Variants in ACSL1 observed in about 807,000 individuals in gnomAD.
ACSL1 encodes the protein acyl-CoA synthetase long chain family member 1.
In ACSL1, 41 loss-of-function variants were observed where a neutral mutation model predicts 98.4. The ratio of observed to expected loss-of-function variants is 0.42; its 90% CI spans 0.32 to 0.54. The LOEUF is 0.54. Among genes scored for constraint, ACSL1 ranks in the 20% least tolerant of loss-of-function variants. ACSL1 has a pLI of 0.13. For missense variants in ACSL1, 734 were observed against 883.1 expected, an observed-to-expected ratio of 0.83 and a Z score of 2.14; for synonymous variants, 316 against 322.7, an observed-to-expected ratio of 0.98 and a Z score of 0.22.
At chr4:184,759,724 A>C (rs1235851391) in intron 18 of ACSL1, among the ~76,000 whole-genome samples, 1 of 152,206 alleles carries the variant, frequency 6.6e-6, no homozygotes, top group African/African-American at 2.4e-5. Context: ...GAACGCTTTT[A>C]CACTGTTGGT....
At chr4:184,772,945 T>G (rs1764723633) in intron 10 of ACSL1, 136 bp downstream of exon 10, 9 of 716,436 alleles carry the variant, frequency 1.3e-5, no homozygotes, top group Non-Finnish European at 2.1e-5. Context: ...GGGCCTAAAG[T>G]TCTGACCTTA....
In ACSL1 at chr4:184,757,320, A is replaced by G. The variant is rs1375556209; in HGVS notation, c.1957-55T>C. 5 of 1,553,136 alleles carry G rather than the reference A, an allele frequency of 3.2e-6. No homozygotes were observed. Among genetic ancestry groups the G allele is most frequent in the Non-Finnish European group, 4.4e-6 (5 of 1,143,406 alleles). ...AAAAAGGACACGGGCCACCAGTCTC[A>G]AAAGCACGTAAGCCTTGGAGGGGAT... On this transcript the variant is annotated intron_variant, in intron 20 of 20. Coordinates refer to ENST00000281455, the MANE Select transcript of ACSL1 (RefSeq NM_001995.5). The surrounding 1 kb of genome is among the most constrained non-coding windows in gnomAD (Gnocchi z 4.5).
intron 4 of ACSL1, among the ~76,000 whole-genome samples, chr4:184,780,641 A>C (rs1766092991): frequency 2.0e-5 from 3 of 152,254 alleles, no homozygotes; most frequent in African/African-American, 7.2e-5. Flanking sequence ...AACTGACCGC[A>C]GGGTTCCTTC....
In ACSL1 at chr4:184,779,138, T is replaced by G. The variant is rs570540930; in HGVS notation, c.477+1194A>C. Reference sequence around the variant, plus strand: ...TCATTTAAACTCAGTTTCTGATATGTTTTGGCTGTGTCCCCACCCAAATCT... The same window carrying G: ...TCATTTAAACTCAGTTTCTGATATGGTTTGGCTGTGTCCCCACCCAAATCT... On this transcript the variant is annotated intron_variant, in intron 5 of 20. Transcript: ENST00000281455. Among the ~76,000 whole-genome samples, 180 of 152,302 alleles carry G rather than the reference T, an allele frequency of 1.2e-3. 1 individual carries two copies. The highest frequency in any genetic ancestry group is 1.7e-3 in the Non-Finnish European group (113 of 68,024).
chr4:184,762,552 G>A, intron 16 of ACSL1, 29 bp from the exon 17 acceptor site: 1 of 1,584,700 alleles, frequency 6.3e-7, no homozygotes, highest in South Asian at 1.1e-5. Context: ...TCAGTGAACA[G>A]CATTTACTGG....
intron 1 of ACSL1, among the ~76,000 whole-genome samples, chr4:184,814,670 A>G (rs1261515470): frequency 1.3e-5 from 2 of 152,188 alleles, no homozygotes; most frequent in East Asian, 1.9e-4. Context: ...TAAAGAAGCT[A>G]TAAGTGAGTC....
At chr4:184,807,342 T>C (rs2150462788) in intron 1 of ACSL1, among the ~76,000 whole-genome samples, 1 of 152,368 alleles carries the variant, frequency 6.6e-6, no homozygotes, top group South Asian at 2.1e-4. Flanking sequence ...TCAATTGGCT[T>C]AAAGGCTTAA....
At chr4:184,797,154 C>A (rs1472538055) in intron 2 of ACSL1, among the ~76,000 whole-genome samples, 1 of 148,404 alleles carries the variant, frequency 6.7e-6, no homozygotes, top group African/African-American at 2.5e-5. Flanking sequence ...AGATCAACAA[C>A]AGCTCCCGCT....
rs192537652 is a variant in ACSL1, at chr4:184,762,603, G to A, written c.1522-80C>T. On this transcript the variant is annotated intron_variant, in intron 16 of 20. Coordinates refer to ENST00000281455, the MANE Select transcript of ACSL1 (RefSeq NM_001995.5). ...AACTGGTGTGTGCATGTGTGTACGT[G>A]TGTGTCTGCCCCAACCTTTAGCTGG... 8 of 1,245,970 alleles carry A rather than the reference G, an allele frequency of 6.4e-6. No individual in the cohort carries two copies. The East Asian group carries it at 1.9e-4, about 29-fold the overall frequency. The allele number at this position is 1,245,970 out of a possible 1,614,324, so 77.2% of individuals were successfully genotyped here.
chr4:184,779,145 T>C (rs924178302), intron 5 of ACSL1, among the ~76,000 whole-genome samples: 1 of 152,212 alleles, frequency 6.6e-6, no homozygotes, highest in Non-Finnish European at 1.5e-5. Flanking sequence ...ATGTTTTGGC[T>C]GTGTCCCCAC....
At chr4:184,814,290 C>CT (rs749693271) in intron 1 of ACSL1, among the ~76,000 whole-genome samples, 1 of 64,550 alleles carries the variant, frequency 1.5e-5, no homozygotes, top group Non-Finnish European at 2.8e-5. Flanking sequence ...GACTCCGCCT[C>CT]AAAAAAAAAA....
Position 184,755,708 on chromosome 4 carries a change from A to G in ACSL1, c.*1417T>C, listed in dbSNP as rs1762060236. The G allele has an allele frequency of 6.5e-6, 1 of 152,690 alleles. No individual in the cohort carries two copies. The highest frequency in any genetic ancestry group is 1.5e-5 in the Non-Finnish European group (1 of 68,052). 9.5% of individuals were successfully genotyped at this position (152,690 alleles called of 1,614,324 possible). A position where few individuals can be genotyped will look rare whatever the true frequency, so the allele number is the denominator to read the frequency against. On this transcript the variant is annotated 3_prime_UTR_variant, in exon 21 of 21. Transcript: ENST00000281455. Reference sequence around the variant, plus strand: ...ACTTAAAGCAAACATTCAAAACCCCAAGGTGACAAATTATTGACTTTTTGT... The same window carrying G: ...ACTTAAAGCAAACATTCAAAACCCCGAGGTGACAAATTATTGACTTTTTGT...
At chr4:184,812,111 T>C in intron 1 of ACSL1, 1 of 874,394 alleles carries the variant, frequency 1.1e-6, no homozygotes, top group Non-Finnish European at 1.4e-6. Context: ...CAGGACTTCT[T>C]TATTTGTAAC....
intron 12 of ACSL1, among the ~76,000 whole-genome samples, chr4:184,767,161 G>A (rs186102341): frequency 8.6e-5 from 13 of 151,680 alleles, no homozygotes; most frequent in South Asian, 2.1e-4. Flanking sequence ...ACATGCCTGC[G>A]GTCCCAGCTA....
At chr4:184,811,302 C>CAGT (rs1459867164) in intron 1 of ACSL1, among the ~76,000 whole-genome samples, 2 of 151,752 alleles carry the variant, frequency 1.3e-5, no homozygotes, top group Admixed American at 1.3e-4. Flanking sequence ...TTAGTAGAGA[C>CAGT]GGGGTTTCAC....
At position 184,816,587 on chromosome 4, in the gene ACSL1, T is replaced by G. The variant is rs760596777; in HGVS notation, c.-33+9329A>C. Among the ~76,000 whole-genome samples the G allele has an allele frequency of 5.3e-5, 8 of 152,176 alleles. No individual in the cohort carries two copies. The East Asian group carries it at 1.2e-3, about 22-fold the overall frequency. On this transcript the variant is annotated intron_variant, in intron 1 of 20. Transcript: ENST00000281455. Reference sequence around the variant, plus strand: ...ATTCCCTTTATGTTTCACTTAAAATTTATTATGAAAATTCAAATCTATTCA... The same window carrying G: ...ATTCCCTTTATGTTTCACTTAAAATGTATTATGAAAATTCAAATCTATTCA...
At chr4:184,759,066 A>G (rs895321672) in intron 18 of ACSL1, among the ~76,000 whole-genome samples, 3 of 152,072 alleles carry the variant, frequency 2.0e-5, no homozygotes, top group African/African-American at 7.2e-5. Context: ...TGTCCCTGCA[A>G]AGGACATGAA....
At chr4:184,774,278 A>G (rs1444926806) in intron 7 of ACSL1, among the ~76,000 whole-genome samples, 1 of 152,188 alleles carries the variant, frequency 6.6e-6, no homozygotes, top group African/African-American at 2.4e-5. Flanking sequence ...AGGTTCCTCA[A>G]ATCAGAGCAC....
chr4:184,804,058 T>C (rs1260774182), intron 1 of ACSL1, among the ~76,000 whole-genome samples: 1 of 152,216 alleles, frequency 6.6e-6, no homozygotes, highest in Non-Finnish European at 1.5e-5. Context: ...AACACACCAA[T>C]GTAAATTTCA....
Sources: gnomAD v4.1 joint callset for allele counts (sites outside exome capture counted in the v4.1 genomes callset) on GRCh38, gnomAD v4.1.1 for gene constraint, Gnocchi (gnomAD v3.1) non-coding constraint, MANE v1.5 for transcripts, NCBI Gene and HGNC (gene_info 2026-07-23, HGNC 2026-07-21) for gene names.